Variants in ARHGAP10 observed in about 807,000 individuals in gnomAD.
The protein encoded by ARHGAP10 is rho GTPase-activating protein 10.
ARHGAP10 carries 87 observed loss-of-function variants against 108.6 expected under a neutral mutation model. The ratio of observed to expected loss-of-function variants is 0.80; its 90% CI spans 0.67 to 0.96. The LOEUF is 0.96. Ranked by LOEUF, ARHGAP10 falls within the 40% of genes least tolerant of loss-of-function variation. The pLI is 0.00. For synonymous variants in ARHGAP10, 347 were observed against 341.1 expected (o/e 1.02, Z -0.19); for missense variants, 939 against 954.5 (o/e 0.98, Z 0.21).
rs546935566 is a variant in ARHGAP10 at position 147,848,303 on chromosome 4, G to A, written c.384+1081G>A. ...ATTACAGTTTTTAATGAAGGGCTAC[G>A]AATTGAGGCTCAGACCCTGTGAACA... On this transcript the variant is annotated intron_variant, in intron 4 of 22. Transcript: ENST00000336498. Among the ~76,000 whole-genome samples, 7 of 152,320 alleles carry A rather than the reference G, an allele frequency of 4.6e-5. No individual in the cohort carries two copies. In the South Asian group the frequency reaches 8.3e-4, roughly 18 times the overall value.
intron 15 of ARHGAP10, among the ~76,000 whole-genome samples, chr4:147,949,169 A>T (rs1309594096): frequency 1.3e-5 from 2 of 152,020 alleles, no homozygotes; most frequent in Non-Finnish European, 2.9e-5. Context: ...ACTGTTCTAA[A>T]TTTTTTCTGA....
At chr4:147,982,522 A>G (rs1578757216) in intron 18 of ARHGAP10, among the ~76,000 whole-genome samples, 1 of 135,860 alleles carries the variant, frequency 7.4e-6, no homozygotes, top group South Asian at 2.4e-4. Context: ...GACTACAGGC[A>G]TGTGCCATCA....
At chr4:147,741,009 T>C (rs1444658879) in intron 1 of ARHGAP10, among the ~76,000 whole-genome samples, 2 of 152,214 alleles carry the variant, frequency 1.3e-5, no homozygotes, top group African/African-American at 4.8e-5. Context: ...ATATAATGGT[T>C]TCATCCTATA....
At chr4:147,940,732 A>G (rs910517516) in intron 14 of ARHGAP10, among the ~76,000 whole-genome samples, 1 of 152,248 alleles carries the variant, frequency 6.6e-6, no homozygotes, top group Non-Finnish European at 1.5e-5. Flanking sequence ...TCTGCATCTT[A>G]AAACATTACA....
intron 8 of ARHGAP10, among the ~76,000 whole-genome samples, chr4:147,876,948 T>C (rs759776826): frequency 7.9e-5 from 12 of 152,164 alleles, no homozygotes; most frequent in Non-Finnish European, 1.8e-4. Context: ...AATGCTGGAG[T>C]TGTCATTCTG....
At chr4:147,938,281 T>A (rs2126959536) in intron 13 of ARHGAP10, among the ~76,000 whole-genome samples, 1 of 152,082 alleles carries the variant, frequency 6.6e-6, no homozygotes, top group East Asian at 1.9e-4. Flanking sequence ...AGTACCTGGG[T>A]GATGAAATAG....
At chr4:147,872,814 T>A (rs1428291842) in intron 7 of ARHGAP10, among the ~76,000 whole-genome samples, 2 of 152,072 alleles carry the variant, frequency 1.3e-5, no homozygotes, top group Non-Finnish European at 2.9e-5. Context: ...GGAGGAAGAG[T>A]TGCTGTCACA....
rs187107201 is a variant in ARHGAP10 at position 147,948,140 on chromosome 4, C to T, written c.1391+1436C>T. Among the ~76,000 whole-genome samples the T allele has an allele frequency of 2.2e-3, 336 of 152,062 alleles. 1 individual carries two copies. The highest frequency in any genetic ancestry group is 7.4e-3 in the African/African-American group (305 of 41,476). On this transcript the variant is annotated intron_variant, in intron 15 of 22. Coordinates refer to ENST00000336498, the MANE Select transcript of ARHGAP10 (RefSeq NM_024605.4). Reference sequence around the variant, plus strand: ...GTATTTTTAAGTAGAGACAGGGTTTCGCTGTGTTGGCCAGGCTGGTCTCCT... The same window carrying T: ...GTATTTTTAAGTAGAGACAGGGTTTTGCTGTGTTGGCCAGGCTGGTCTCCT...
chr4:147,786,773 G>A (rs1730909251), intron 1 of ARHGAP10, among the ~76,000 whole-genome samples: 1 of 152,134 alleles, frequency 6.6e-6, no homozygotes, highest in African/African-American at 2.4e-5. Flanking sequence ...GCTATTTGAG[G>A]GTATGGGTGG....
At chr4:147,988,416 T>C (rs1740122643) in intron 18 of ARHGAP10, among the ~76,000 whole-genome samples, 1 of 152,218 alleles carries the variant, frequency 6.6e-6, no homozygotes, top group African/African-American at 2.4e-5. Context: ...ATCTCCTGGC[T>C]GGTCCTCTGG....
chr4:147,923,156 T>C (rs972462471), intron 13 of ARHGAP10, among the ~76,000 whole-genome samples: 3 of 152,252 alleles, frequency 2.0e-5, no homozygotes, highest in African/African-American at 4.8e-5. Flanking sequence ...TGTAGGATTG[T>C]TTTTCATTCC....
chr4:147,759,185 T>C (rs1480521330), intron 1 of ARHGAP10, among the ~76,000 whole-genome samples: 2 of 152,208 alleles, frequency 1.3e-5, no homozygotes, highest in African/African-American at 2.4e-5. Flanking sequence ...AACACTGTGT[T>C]ACTTTGTTAA....
chr4:147,987,265 G>A (rs1740080163), intron 18 of ARHGAP10, among the ~76,000 whole-genome samples: 1 of 152,178 alleles, frequency 6.6e-6, no homozygotes, highest in Non-Finnish European at 1.5e-5. Context: ...ATATACTGTT[G>A]AAGCTTCTAT....
intron 18 of ARHGAP10, among the ~76,000 whole-genome samples, chr4:148,008,212 A>G (rs1304983140): frequency 2.0e-5 from 3 of 152,012 alleles, no homozygotes; most frequent in Admixed American, 2.0e-4. Context: ...TGAATCTAGT[A>G]TTACTGGTCT....
chr4:147,877,659 A>G (rs1429969346), intron 8 of ARHGAP10, among the ~76,000 whole-genome samples: 1 of 152,132 alleles, frequency 6.6e-6, no homozygotes, highest in Non-Finnish European at 1.5e-5. Context: ...TGGCATGTGA[A>G]GTTCCAGATG....
chr4:148,057,558 C>G (rs1266291803), intron 20 of ARHGAP10, among the ~76,000 whole-genome samples: 3 of 152,174 alleles, frequency 2.0e-5, no homozygotes, highest in African/African-American at 7.2e-5. Context: ...TAGCACAGGG[C>G]TAGATTGCAC....
At chr4:147,866,637 A>G in intron 6 of ARHGAP10, 75 bp from the exon 7 acceptor site, 1 of 1,057,756 alleles carries the variant, frequency 9.5e-7, no homozygotes. Context: ...CGGGGGGAAC[A>G]CTTGGTTGTT....
intron 4 of ARHGAP10, among the ~76,000 whole-genome samples, chr4:147,856,115 TACTC>T (rs1734073346): frequency 6.6e-6 from 1 of 152,242 alleles, no homozygotes; most frequent in African/African-American, 2.4e-5. Context: ...CTCTCATTGA[TACTC>T]AAGAATGTTT....
At chr4:147,786,552 C>T (rs1362589023) in intron 1 of ARHGAP10, among the ~76,000 whole-genome samples, 1 of 152,090 alleles carries the variant, frequency 6.6e-6, no homozygotes, top group East Asian at 1.9e-4. Context: ...GGGGAAAATT[C>T]CATGAAACGT....
Sources: allele counts gnomAD v4.1 joint callset (sites outside exome capture counted in the v4.1 genomes callset), GRCh38; gene constraint gnomAD v4.1.1; transcripts MANE v1.5; gene names NCBI Gene and HGNC (gene_info 2026-07-23, HGNC 2026-07-21).